SPATA7: variants seen among roughly 807,000 people sequenced by gnomAD.
SPATA7 encodes spermatogenesis associated 7.
Under a neutral mutation model 51.8 loss-of-function variants are expected in SPATA7, and 43 were observed. The observed-to-expected ratio is 0.83, with a 90% CI of 0.65 to 1.07. The LOEUF (loss-of-function observed/expected upper bound fraction) is 1.07. Among genes scored for constraint, SPATA7 ranks in the 50% least tolerant of loss-of-function variants. SPATA7 has a pLI of 0.00. For missense variants in SPATA7, 683 were observed against 701.3 expected, an observed-to-expected ratio of 0.97 and a Z score of 0.30; for synonymous variants, 230 against 252.8, an observed-to-expected ratio of 0.91 and a Z score of 0.86.
chr14:88,420,727 C>T (rs1025128218), intron 5 of SPATA7, among the ~76,000 whole-genome samples: 1 of 152,130 alleles, frequency 6.6e-6, no homozygotes, highest in Non-Finnish European at 1.5e-5. Flanking sequence ...TGTTTTGATG[C>T]AAACCCCAGA....
chr14:88,440,601 A>G (rs2077171907), downstream of SPATA7, among the ~76,000 whole-genome samples: 1 of 152,056 alleles, frequency 6.6e-6, no homozygotes, highest in East Asian at 1.9e-4. Context: ...TCCTTCTCAC[A>G]CAGCCCATCA....
At chr14:88,401,645 A>C (rs908286674) in intron 4 of SPATA7, among the ~76,000 whole-genome samples, 1 of 152,030 alleles carries the variant, frequency 6.6e-6, no homozygotes, top group Non-Finnish European at 1.5e-5. Context: ...CAGCCTGGGC[A>C]ACATAGTAAG....
At chr14:88,470,220 G>C in exon 5 of SPATA7, 1 of 641,578 alleles carries the variant, frequency 1.6e-6, no homozygotes, top group Non-Finnish European at 2.6e-6. Context: ...CTTTTCCCTT[G>C]TGAATACAAT....
intron 3 of SPATA7, among the ~76,000 whole-genome samples, chr14:88,445,119 A>G (rs1047540617): frequency 1.2e-4 from 19 of 152,058 alleles, no homozygotes; most frequent in African/African-American, 4.4e-4. Flanking sequence ...ACCCATGAGC[A>G]TGGAATGTTC....
chr14:88,399,494 A>G lies in SPATA7; in HGVS notation c.238+3291A>G, dbSNP rs542017698. Among the ~76,000 whole-genome samples, 9 of 152,354 alleles carry G rather than the reference A, an allele frequency of 5.9e-5. No individual in the cohort carries two copies. The South Asian group carries it at 1.9e-3, about 32-fold the overall frequency. On this transcript the variant is annotated intron_variant, in intron 4 of 11. Transcript: ENST00000393545. ...TCGCTACATACAAGTTATATGGGCA[A>G]GTCATTTTACCTCTGACCTTCCTTT...
downstream of SPATA7, among the ~76,000 whole-genome samples, chr14:88,441,704 T>A (rs962150979): frequency 1.3e-5 from 2 of 152,216 alleles, no homozygotes; most frequent in African/African-American, 4.8e-5. Flanking sequence ...TGTTTTTGTT[T>A]CTTGCTGATT....
intron 3 of SPATA7, among the ~76,000 whole-genome samples, chr14:88,394,004 C>T (rs953863976): frequency 6.6e-6 from 1 of 152,148 alleles, no homozygotes; most frequent in African/African-American, 2.4e-5. Context: ...AACCCTCCTA[C>T]CACCTGTTTC....
intron 4 of SPATA7, among the ~76,000 whole-genome samples, chr14:88,461,024 C>A (rs1466362355): frequency 6.6e-6 from 1 of 152,196 alleles, no homozygotes; most frequent in African/African-American, 2.4e-5. Flanking sequence ...CAGAACAGCA[C>A]ATATTGCTGA....
chr14:88,387,765 A>G (rs939665846), intron 1 of SPATA7, among the ~76,000 whole-genome samples: 1 of 152,122 alleles, frequency 6.6e-6, no homozygotes, highest in Non-Finnish European at 1.5e-5. Flanking sequence ...GGCCTCAGTT[A>G]TTTATAAAAT....
intron 3 of SPATA7, among the ~76,000 whole-genome samples, chr14:88,454,512 T>C (rs1008624958): frequency 6.6e-6 from 1 of 152,108 alleles, no homozygotes; most frequent in Non-Finnish European, 1.5e-5. Context: ...CTAATTAAAA[T>C]GGCCTAAATT....
rs539838730 is a variant in SPATA7, at chr14:88,462,894, T to C, written c.255-6953T>C. On this transcript the variant is annotated intron_variant, in intron 4 of 4. Coordinates refer to the SPATA7 transcript ENST00000556406. ...TCCTTTCTTGTCATCCGTTTGTCCC[T>C]ATTTATAATATTAAAGCATAACTCA... 1.1e-4 allele frequency among the ~76,000 whole-genome samples: 17 copies of C among 152,354 alleles called. No individual in the cohort carries two copies. The East Asian group carries it at 2.3e-3, about 21-fold the overall frequency.
intron 3 of SPATA7, among the ~76,000 whole-genome samples, chr14:88,395,490 T>C (rs1242810889): frequency 7.1e-6 from 1 of 141,384 alleles, no homozygotes; most frequent in Non-Finnish European, 1.6e-5. Context: ...TAACCTTAGG[T>C]CACTCAGAAT....
At chr14:88,396,875 C>T (rs76393472) in intron 4 of SPATA7, among the ~76,000 whole-genome samples, 3,975 of 138,486 alleles carry the variant, frequency 0.029, 165 homozygotes, top group African/African-American at 0.1. Context: ...TTTCTTTTTT[C>T]TTTTTTTTTT....
rs1229447697 is a variant in SPATA7 at position 88,438,099 on chromosome 14, A to T, written c.1477A>T (p.Met493Leu). The change falls in exon 12 of 12, where the codon ATG becomes TTG. Residue 493 changes from methionine to leucine, a missense_variant. Transcript: ENST00000393545. ...EIFPSPTEFFMPIYKSKHSEG... is the reference protein window; with the variant it reads ...EIFPSPTEFFLPIYKSKHSEG... The stretch of plus-strand genomic sequence containing the variant: ...ATTCCCTTCACCAACTGAATTTTTC[A>T]TGCCTATTTATAAATCAAAGCATTC... 6.2e-7 allele frequency: 1 copy of T among 1,614,138 alleles called. No homozygotes were observed. Among genetic ancestry groups the T allele is most frequent in the South Asian group, 1.1e-5 (1 of 91,066 alleles).
At chr14:88,467,364 T>C (rs1405943282) in intron 4 of SPATA7, 2 of 152,226 alleles carry the variant, frequency 1.3e-5, no homozygotes, top group African/African-American at 2.4e-5. Context: ...CTATGAATAA[T>C]ACTGAAAAAA....
chr14:88,468,342 T>C, intron 4 of SPATA7: 1 of 1,407,488 alleles, frequency 7.1e-7, no homozygotes, highest in Non-Finnish European at 9.6e-7. Context: ...ACGAGTGTCC[T>C]GGCAGAAACC....
At chr14:88,392,407 CAT>C (rs1320759280) in intron 2 of SPATA7, among the ~76,000 whole-genome samples, 2 of 152,174 alleles carry the variant, frequency 1.3e-5, no homozygotes, top group African/African-American at 2.4e-5. Context: ...AGATGTAACT[CAT>C]ATCTCTGTGC....
At chr14:88,448,064 A>G (rs1373963027) in intron 3 of SPATA7, among the ~76,000 whole-genome samples, 1 of 151,988 alleles carries the variant, frequency 6.6e-6, no homozygotes, top group South Asian at 2.1e-4. Flanking sequence ...CTCCTGGATA[A>G]TATCTTGCAG....
rs773503187 is a variant in SPATA7 at position 88,426,298 on chromosome 14, G to T, written c.439G>T (p.Ala147Ser). Residue 147 changes from alanine to serine, a missense_variant, in exon 6 of 12, where the codon GCA becomes TCA. By Grantham distance (99) the Ala-to-Ser change is moderately conservative (BLOSUM62 1). Transcript: ENST00000393545. ...KEEMNGFSSFARSLVPSSERL... is the reference protein window; with the variant it reads ...KEEMNGFSSFSRSLVPSSERL... ...AGAAATGAATGGATTTTCATCCTTT[G>T]CAAGGTCACTAGTACCCTCTTCAGA... The T allele has an allele frequency of 4.2e-5, 68 of 1,613,966 alleles. No individual in the cohort carries two copies. Among genetic ancestry groups the T allele is most frequent in the Non-Finnish European group, 5.3e-5 (62 of 1,180,022 alleles).
Sources: gnomAD v4.1 joint callset for allele counts (sites outside exome capture counted in the v4.1 genomes callset) on GRCh38, gnomAD v4.1.1 for gene constraint, MANE v1.5 for transcripts, NCBI Gene and HGNC (gene_info 2026-07-23, HGNC 2026-07-21) for gene names.